ACACA: variants seen among roughly 807,000 people sequenced by gnomAD.
ACACA encodes acetyl-CoA carboxylase alpha.
Under a neutral mutation model 296.1 loss-of-function variants are expected in ACACA, and 103 were observed. That is an observed-to-expected ratio of 0.35 (90% CI 0.30 to 0.41). ACACA has a LOEUF of 0.41. Ranked by LOEUF, ACACA falls within the 10% of genes least tolerant of loss-of-function variation. The pLI is 1.00. For synonymous variants in ACACA, 953 were observed against 1,038.6 expected, an observed-to-expected ratio of 0.92 and a Z score of 1.58; for missense variants, 1,554 against 2,989.7, an observed-to-expected ratio of 0.52 and a Z score of 11.20.
In ACACA at chr17:37,278,699, A is replaced by G. The variant is rs73982302; in HGVS notation, c.611-694T>C. On this transcript the variant is annotated intron_variant, in intron 5 of 55. Transcript: ENST00000616317. ...ACTGTAACTAGCACTTTGTATATAT[A>G]TTATCTCATTTAATTCTCTCATCAA... Among the ~76,000 whole-genome samples, 138 of 151,888 alleles carry G rather than the reference A, an allele frequency of 9.1e-4. 1 individual carries two copies. Among genetic ancestry groups the G allele is most frequent in the African/African-American group, 3.3e-3 (136 of 41,412 alleles).
chr17:37,308,407 A>ATAAAAAT (rs1281889177), intron 3 of ACACA, among the ~76,000 whole-genome samples: 2 of 152,206 alleles, frequency 1.3e-5, no homozygotes, highest in African/African-American at 4.8e-5. Context: ...ACTAAGACTG[A>ATAAAAAT]TAAAAATAAA....
At chr17:37,090,751 C>T (rs1397074092) in intron 54 of ACACA, among the ~76,000 whole-genome samples, 1 of 152,152 alleles carries the variant, frequency 6.6e-6, no homozygotes. Flanking sequence ...ATGGATGGGT[C>T]CCCCTGGACT....
chr17:37,117,267 T>G (rs913388366), intron 50 of ACACA, among the ~76,000 whole-genome samples: 2 of 152,238 alleles, frequency 1.3e-5, no homozygotes, highest in African/African-American at 4.8e-5. Context: ...TACATATACA[T>G]AATGTCTCTC....
At chr17:37,193,550 G>A (rs1332678348) in intron 35 of ACACA, 135 bp from the exon 36 acceptor site, 1 of 657,464 alleles carries the variant, frequency 1.5e-6, no homozygotes, top group Non-Finnish European at 2.7e-6. Flanking sequence ...GCTTAGTCCA[G>A]GAAATATATA....
intron 29 of ACACA, among the ~76,000 whole-genome samples, chr17:37,214,633 A>C (rs774336959): frequency 1.3e-5 from 2 of 152,164 alleles, no homozygotes; most frequent in Non-Finnish European, 2.9e-5. Context: ...CAACTCTCCA[A>C]TCTTACAAGT....
chr17:37,107,367 T>G (rs947220899), intron 52 of ACACA, among the ~76,000 whole-genome samples: 37 of 152,316 alleles, frequency 2.4e-4, no homozygotes, highest in Non-Finnish European at 1.0e-4. Context: ...AGCTTAACCC[T>G]TAAGTCCCCT....
Position 37,085,120 on chromosome 17 carries a change from G to GATAAT in ACACA, c.*2191_*2195dup, listed in dbSNP as rs2072113927. ...GGCTGTTTTGTGAACGAAGAGAACA[G>GATAAT]ATAATATGGCGGTCTCCGTCCAAGC... On this transcript the variant is annotated 3_prime_UTR_variant, in exon 56 of 56. Transcript: ENST00000616317. 6.5e-6 allele frequency: 1 copy of GATAAT among 153,656 alleles called. No homozygotes were observed. Among genetic ancestry groups the GATAAT allele is most frequent in the African/African-American group, 2.4e-5 (1 of 41,520 alleles). The allele number at this position is 153,656 out of a possible 1,614,324, so 9.5% of individuals were successfully genotyped here.
At chr17:37,390,334 A>ATATATATATATATATATATCTAT (rs2050822111) in intron 1 of ACACA, among the ~76,000 whole-genome samples, 5 of 93,440 alleles carry the variant, frequency 5.4e-5, no homozygotes, top group African/African-American at 9.0e-5. Context: ...ATATATATAT[A>ATATATATATATATATATATCTAT]AAAGGCCAGC....
intron 1 of ACACA, among the ~76,000 whole-genome samples, chr17:37,370,422 G>T (rs1325274402): frequency 2.0e-5 from 3 of 150,430 alleles, no homozygotes; most frequent in Non-Finnish European, 4.4e-5. Context: ...CAAGGCAGGC[G>T]GATTGCCTGA....
At chr17:37,341,665 G>A (rs969691794) in intron 1 of ACACA, among the ~76,000 whole-genome samples, 3 of 150,938 alleles carry the variant, frequency 2.0e-5, no homozygotes, top group Non-Finnish European at 2.9e-5. Context: ...ACTGTAGCCT[G>A]GGCAGCAGAG....
Position 37,191,889 on chromosome 17 carries a change from T to TA in ACACA, c.4416+200dup, listed in dbSNP as rs562910894. On this transcript the variant is annotated intron_variant, in intron 37 of 55. Transcript: ENST00000616317. The stretch of plus-strand genomic sequence containing the variant: ...TTTTTCAGATGCACTTTCTGCTTTG[T>TA]AAAAAAAAAAAAGCCTTTATTATAT... Among the ~76,000 whole-genome samples the TA allele has an allele frequency of 7.0e-3, 985 of 141,428 alleles. 7 individuals are homozygous for TA. Among genetic ancestry groups the TA allele is most frequent in the African/African-American group, 0.021 (829 of 38,750 alleles). The allele number at this position is 141,428 out of a possible 152,430, so 92.8% of individuals were successfully genotyped here.
intron 45 of ACACA, among the ~76,000 whole-genome samples, chr17:37,133,166 T>C (rs78966804): frequency 0.018 from 2,694 of 152,270 alleles, 79 homozygotes; most frequent in African/African-American, 0.059. Flanking sequence ...CTGACCAGCC[T>C]TATCTTGGGA....
intron 3 of ACACA, among the ~76,000 whole-genome samples, chr17:37,290,150 C>A (rs752897803): frequency 6.6e-6 from 1 of 152,044 alleles, no homozygotes; most frequent in African/African-American, 2.4e-5. Flanking sequence ...CAGGTTCAAG[C>A]GATTCTTGTG....
chr17:37,340,579 C>A (rs1388187201), intron 1 of ACACA, among the ~76,000 whole-genome samples: 1 of 152,122 alleles, frequency 6.6e-6, no homozygotes, highest in Non-Finnish European at 1.5e-5. Flanking sequence ...TCGTTAAGGG[C>A]AGAGAAGAAA....
chr17:37,260,307 T>A lies in ACACA; in HGVS notation c.1330-777A>T, dbSNP rs866908629. Among the ~76,000 whole-genome samples, 9 of 104,344 alleles carry A rather than the reference T, an allele frequency of 8.6e-5. 1 individual carries two copies. The highest frequency in any genetic ancestry group is 3.9e-4 in the African/African-American group (9 of 23,334). The allele number at this position is 104,344 out of a possible 152,430, so 68.5% of individuals were successfully genotyped here. Reference sequence around the variant, plus strand: ...ATATATATATATATATTTTTTTTTTTTTTTTTTTTGGAGATGGAGTCTCGC... The same window carrying A: ...ATATATATATATATATTTTTTTTTTATTTTTTTTTGGAGATGGAGTCTCGC... On this transcript the variant is annotated intron_variant, in intron 11 of 55. Coordinates refer to ENST00000616317, the MANE Select transcript of ACACA (RefSeq NM_198834.3).
At chr17:37,201,923 C>T (rs1434217779) in intron 33 of ACACA, among the ~76,000 whole-genome samples, 2 of 151,942 alleles carry the variant, frequency 1.3e-5, no homozygotes, top group Non-Finnish European at 1.5e-5. Flanking sequence ...ATTTTATTAA[C>T]AGCATAAACA....
At chr17:37,159,881 T>C (rs1056467815) in intron 42 of ACACA, among the ~76,000 whole-genome samples, 1 of 152,194 alleles carries the variant, frequency 6.6e-6, no homozygotes, top group Non-Finnish European at 1.5e-5. Context: ...AAAGGAGACT[T>C]TGGGCTCTTG....
intron 3 of ACACA, among the ~76,000 whole-genome samples, chr17:37,303,597 C>T (rs2083732127): frequency 6.6e-6 from 1 of 152,196 alleles, no homozygotes; most frequent in African/African-American, 2.4e-5. Flanking sequence ...GTGGCTCACG[C>T]CTATAATCCT....
chr17:37,147,294 C>A (rs886881601), intron 45 of ACACA, among the ~76,000 whole-genome samples: 4 of 152,114 alleles, frequency 2.6e-5, no homozygotes, highest in African/African-American at 9.7e-5. Context: ...CACATGAACA[C>A]ACAGGGCGGC....
Sources: allele counts gnomAD v4.1 joint callset (sites outside exome capture counted in the v4.1 genomes callset), GRCh38; gene constraint gnomAD v4.1.1; transcripts MANE v1.5; gene names NCBI Gene and HGNC (gene_info 2026-07-23, HGNC 2026-07-21).